C1QTNF7: variants seen among roughly 807,000 people sequenced by gnomAD.
The protein encoded by C1QTNF7 is C1q and TNF related 7, also known as complement C1q tumor necrosis factor-related protein 7.
In C1QTNF7, 15 loss-of-function variants were observed where a neutral mutation model predicts 19.6. The observed-to-expected ratio is 0.76, with a 90% CI of 0.51 to 1.18. The LOEUF (loss-of-function observed/expected upper bound fraction) is 1.18. C1QTNF7 is among the 50% of genes most tolerant of loss of function. C1QTNF7 has a pLI of 0.00. For synonymous variants in C1QTNF7, 142 were observed against 137.5 expected, an observed-to-expected ratio of 1.03 and a Z score of -0.23; for missense variants, 324 against 359.7, an observed-to-expected ratio of 0.90 and a Z score of 0.80.
chr4:15,381,972 C>T (rs1411763485), intron 1 of C1QTNF7: 1 of 152,192 alleles, frequency 6.6e-6, no homozygotes, highest in Non-Finnish European at 1.5e-5. Context: ...TTTCATTTTC[C>T]AAGCTGCATC....
intron 1 of C1QTNF7, among the ~76,000 whole-genome samples, chr4:15,340,833 G>T (rs1457523877): frequency 6.6e-6 from 1 of 152,110 alleles, no homozygotes; most frequent in Non-Finnish European, 1.5e-5. Context: ...GTCACAGTCG[G>T]CTGACAATGT....
At chr4:15,425,547 G>A (rs1712002545), upstream of C1QTNF7, among the ~76,000 whole-genome samples, 1 of 152,130 alleles carries the variant, frequency 6.6e-6, no homozygotes, top group African/African-American at 2.4e-5. Context: ...ATGGAGAGGA[G>A]GAGGAAGAAA....
intron 1 of C1QTNF7, among the ~76,000 whole-genome samples, chr4:15,400,784 T>A (rs771661012): frequency 1.1e-4 from 17 of 152,220 alleles, no homozygotes; most frequent in Non-Finnish European, 2.1e-4. Flanking sequence ...AAGGTTTATG[T>A]ACTGATGCAT....
intron 1 of C1QTNF7, among the ~76,000 whole-genome samples, chr4:15,405,949 C>A (rs1281808139): frequency 6.6e-6 from 1 of 152,076 alleles, no homozygotes; most frequent in Admixed American, 6.5e-5. Flanking sequence ...AGAGCTTGTC[C>A]CCCCCAGACT....
intron 1 of C1QTNF7, among the ~76,000 whole-genome samples, chr4:15,365,795 C>G (rs572173578): frequency 7.9e-4 from 121 of 152,288 alleles, no homozygotes; most frequent in African/African-American, 2.9e-3. Flanking sequence ...GCAAAAGGGA[C>G]TCCTCCCTCC....
At chr4:15,410,923 C>T (rs930366545) in intron 1 of C1QTNF7, among the ~76,000 whole-genome samples, 6 of 152,172 alleles carry the variant, frequency 3.9e-5, no homozygotes, top group South Asian at 2.1e-4. Flanking sequence ...ACATCAATTT[C>T]GAGTTACAAC....
At chr4:15,343,437 G>A (rs1024475593) in intron 1 of C1QTNF7, among the ~76,000 whole-genome samples, 2 of 151,648 alleles carry the variant, frequency 1.3e-5, no homozygotes, top group Admixed American at 6.6e-5. Context: ...TAAGAGAATT[G>A]ACTTTTTTTT....
At chr4:15,420,138 C>G (rs1441411243) in intron 1 of C1QTNF7, 1 of 152,394 alleles carries the variant, frequency 6.6e-6, no homozygotes, top group African/African-American at 2.4e-5. Flanking sequence ...GGCTCCACCC[C>G]CCATCCTTCT....
intron 1 of C1QTNF7, among the ~76,000 whole-genome samples, chr4:15,340,911 G>C (rs1486401550): frequency 6.6e-6 from 1 of 152,170 alleles, no homozygotes. Flanking sequence ...GCGAGGATAA[G>C]ATATTTTCTT....
chr4:15,340,202 G>C (rs908657657), exon 1 of C1QTNF7: 1 of 1,551,616 alleles, frequency 6.4e-7, no homozygotes, highest in Non-Finnish European at 8.7e-7. Flanking sequence ...GCAATGTCCA[G>C]ACAAGGTAAG....
chr4:15,395,665 G>A (rs1044914180), intron 1 of C1QTNF7, among the ~76,000 whole-genome samples: 2 of 152,156 alleles, frequency 1.3e-5, no homozygotes, highest in East Asian at 1.9e-4. Flanking sequence ...AGGCAGGGCC[G>A]AGGGAGGGTC....
intron 1 of C1QTNF7, among the ~76,000 whole-genome samples, chr4:15,389,417 G>A (rs1003350184): frequency 2.1e-4 from 32 of 152,162 alleles, no homozygotes; most frequent in African/African-American, 7.0e-4. Context: ...GTAGGAAAAT[G>A]AGGAGTCTTT....
intron 2 of C1QTNF7, among the ~76,000 whole-genome samples, chr4:15,438,071 T>G (rs1712608050): frequency 6.6e-6 from 1 of 152,196 alleles, no homozygotes; most frequent in Non-Finnish European, 1.5e-5. Flanking sequence ...TACTAAGAAC[T>G]TACTATTTGT....
At chr4:15,372,667 G>A (rs1199414828) in intron 1 of C1QTNF7, among the ~76,000 whole-genome samples, 1 of 152,170 alleles carries the variant, frequency 6.6e-6, no homozygotes, top group East Asian at 1.9e-4. Flanking sequence ...CATTTTCAAG[G>A]GGGCGCTGAT....
chr4:15,425,616 A>T (rs1712005891), upstream of C1QTNF7, among the ~76,000 whole-genome samples: 1 of 152,202 alleles, frequency 6.6e-6, no homozygotes, highest in South Asian at 2.1e-4. Context: ...TAAAGTTAGC[A>T]ACAACCTAGG....
At position 15,442,891 on chromosome 4, in the gene C1QTNF7, C is replaced by A. The variant is rs1712842307; in HGVS notation, c.*92C>A. On this transcript the variant is annotated 3_prime_UTR_variant, in exon 3 of 3. Coordinates refer to ENST00000444304, the MANE Select transcript of C1QTNF7 (RefSeq NM_031911.5). ...GGAATGGGATCCAAAGAGACTCCCA[C>A]TCAGATTCTAAAGCATTTAAAGACA... The A allele has an allele frequency of 7.7e-7, 1 of 1,298,778 alleles. No individual in the cohort carries two copies. Among genetic ancestry groups the A allele is most frequent in the East Asian group, 2.3e-5 (1 of 42,650 alleles). The allele number at this position is 1,298,778 out of a possible 1,614,324, so 80.5% of individuals were successfully genotyped here.
At chr4:15,437,117 T>G (rs1712569412) in intron 2 of C1QTNF7, among the ~76,000 whole-genome samples, 1 of 152,194 alleles carries the variant, frequency 6.6e-6, no homozygotes, top group Non-Finnish European at 1.5e-5. Context: ...AAGTTACAAC[T>G]GAGTCATAAT....
At chr4:15,351,735 T>C (rs1716946846) in intron 1 of C1QTNF7, among the ~76,000 whole-genome samples, 1 of 152,106 alleles carries the variant, frequency 6.6e-6, no homozygotes, top group South Asian at 2.1e-4. Context: ...TGGCCAATGG[T>C]GTGGAAAGCT....
intron 1 of C1QTNF7, among the ~76,000 whole-genome samples, chr4:15,418,952 AAATGCCAATACCATTGTGGAACAAGCTTT>A (rs1196274244): frequency 2.6e-5 from 4 of 152,216 alleles, no homozygotes; most frequent in Admixed American, 1.3e-4. Context: ...AAAATGGCAC[AAATGCCAATACCATTGTGGAACAAGCTTT>A]GACGTTCTCT....
Sources: gnomAD v4.1 joint callset for allele counts (sites outside exome capture counted in the v4.1 genomes callset) on GRCh38, gnomAD v4.1.1 for gene constraint, MANE v1.5 for transcripts, NCBI Gene and HGNC (gene_info 2026-07-23, HGNC 2026-07-21) for gene names.